Variants in STEAP2 observed in about 807,000 individuals in gnomAD.
STEAP2 encodes metalloreductase STEAP2.
STEAP2 carries 30 observed loss-of-function variants against 46.4 expected under a neutral mutation model. That is an observed-to-expected ratio of 0.65 (90% CI 0.48 to 0.88). STEAP2 has a LOEUF of 0.88. STEAP2 is among the 40% of genes least tolerant of loss of function. The probability of loss-of-function intolerance (pLI) is 0.00; values close to 1 mark genes in which losing one functional copy is unlikely to be tolerated. For synonymous variants in STEAP2, 180 were observed against 200.5 expected, an observed-to-expected ratio of 0.90 and a Z score of 0.86; for missense variants, 513 against 579.3, an observed-to-expected ratio of 0.89 and a Z score of 1.18.
In STEAP2 at chr7:90,234,451, A is replaced by C. The variant is rs573081345; in HGVS notation, c.*1827A>C. On this transcript the variant is annotated 3_prime_UTR_variant, in exon 6 of 6. Coordinates refer to ENST00000394621, the MANE Select transcript of STEAP2 (RefSeq NM_001244944.2). Reference sequence around the variant, plus strand: ...TTATTTAGTAGAGGCTACCTTTCCCACCAGTGACTCTTTTTCTACAACTGC... The same window carrying C: ...TTATTTAGTAGAGGCTACCTTTCCCCCCAGTGACTCTTTTTCTACAACTGC... 695 of 983,882 alleles carry C rather than the reference A, an allele frequency of 7.1e-4. 1 individual carries two copies. The Middle Eastern group carries it at 7.9e-3, about 11-fold the overall frequency. The allele number at this position is 983,882 out of a possible 1,614,324, so 60.9% of individuals were successfully genotyped here. A position where few individuals can be genotyped will look rare whatever the true frequency, so the allele number is the denominator to read the frequency against.
chr7:90,238,252 G>A, downstream of STEAP2: 1 of 618,290 alleles, frequency 1.6e-6, no homozygotes, highest in Non-Finnish European at 3.1e-6. Flanking sequence ...GTCTGTGGAG[G>A]TTCTGGCTTC....
In STEAP2 at chr7:90,232,318, C is replaced by A; in HGVS notation, c.1186-19C>A. 6.6e-7 allele frequency: 1 copy of A among 1,522,422 alleles called. No individual in the cohort carries two copies. Among genetic ancestry groups the A allele is most frequent in the Non-Finnish European group, 8.8e-7 (1 of 1,133,140 alleles). 94.3% of individuals were successfully genotyped at this position (1,522,422 alleles called of 1,614,324 possible). A position where few individuals can be genotyped will look rare whatever the true frequency, so the allele number is the denominator to read the frequency against. ...TGTTTCTTATTCTTTGTTTCTTTTC[C>A]TTCCTCTCCTGGCCCAAGTCTACAC... On this transcript the variant is annotated intron_variant, in intron 5 of 5. Coordinates refer to ENST00000394621, the MANE Select transcript of STEAP2 (RefSeq NM_001244944.2).
intron 2 of STEAP2, among the ~76,000 whole-genome samples, chr7:90,217,423 C>T (rs1270048235): frequency 1.3e-5 from 2 of 152,266 alleles, no homozygotes; most frequent in East Asian, 3.9e-4. Context: ...ATCAACACAT[C>T]CTTCCAGCCT....
intron 2 of STEAP2, among the ~76,000 whole-genome samples, chr7:90,217,622 T>C (rs1795075835): frequency 6.6e-6 from 1 of 151,914 alleles, no homozygotes; most frequent in Non-Finnish European, 1.5e-5. Flanking sequence ...TATTTCATTG[T>C]GTATACATAC....
At chr7:90,218,240 TC>T (rs1795110929) in intron 2 of STEAP2, among the ~76,000 whole-genome samples, 1 of 152,198 alleles carries the variant, frequency 6.6e-6, no homozygotes, top group South Asian at 2.1e-4. Context: ...GTTGATTGTT[TC>T]CTTTGCTGCA....
chr7:90,236,395 A>G lies in STEAP2; in HGVS notation c.*3771A>G. 3 of 984,792 alleles carry G rather than the reference A, an allele frequency of 3.0e-6. No homozygotes were observed. Among genetic ancestry groups the G allele is most frequent in the Non-Finnish European group, 3.6e-6 (3 of 829,328 alleles). The allele number at this position is 984,792 out of a possible 1,614,324, so 61.0% of individuals were successfully genotyped here. A position where few individuals can be genotyped will look rare whatever the true frequency, so the allele number is the denominator to read the frequency against. On this transcript the variant is annotated 3_prime_UTR_variant, in exon 6 of 6. Coordinates refer to ENST00000394621, the MANE Select transcript of STEAP2 (RefSeq NM_001244944.2). The stretch of plus-strand genomic sequence containing the variant: ...AAATTATTTTGTAAATCCATGACTT[A>G]AAACAAGATACATACATAGTATAAC...
At position 90,234,450 on chromosome 7, in the gene STEAP2, C is replaced by G. The variant is rs575414963; in HGVS notation, c.*1826C>G. The G allele has an allele frequency of 1.0e-6, 1 of 984,978 alleles. No homozygotes were observed. The highest frequency in any genetic ancestry group is 1.2e-6 in the Non-Finnish European group (1 of 829,744). 61.0% of individuals were successfully genotyped at this position (984,978 alleles called of 1,614,324 possible). On this transcript the variant is annotated 3_prime_UTR_variant, in exon 6 of 6. Coordinates refer to ENST00000394621, the MANE Select transcript of STEAP2 (RefSeq NM_001244944.2). The stretch of plus-strand genomic sequence containing the variant: ...TTTATTTAGTAGAGGCTACCTTTCC[C>G]ACCAGTGACTCTTTTTCTACAACTG...
In STEAP2 at chr7:90,237,086, C is replaced by A; in HGVS notation, c.*4462C>A. On this transcript the variant is annotated 3_prime_UTR_variant, in exon 6 of 6. Coordinates refer to ENST00000394621, the MANE Select transcript of STEAP2 (RefSeq NM_001244944.2). ...CAGCATGTGTCCTTTTTCATCCCTT[C>A]ATCTTGCTGCTGGGATTGTGGATAT... 1.1e-6 allele frequency: 1 copy of A among 886,586 alleles called. No individual in the cohort carries two copies. The highest frequency in any genetic ancestry group is 1.7e-6 in the Non-Finnish European group (1 of 585,156). The allele number at this position is 886,586 out of a possible 1,614,324, so 54.9% of individuals were successfully genotyped here.
rs1051693536 is a variant in STEAP2 at position 90,233,896 on chromosome 7, T to C, written c.*1272T>C. On this transcript the variant is annotated 3_prime_UTR_variant, in exon 6 of 6. Coordinates refer to ENST00000394621, the MANE Select transcript of STEAP2 (RefSeq NM_001244944.2). Reference sequence around the variant, plus strand: ...AAAATGTATAAAAATATTATTATAATAAACTTATTACTGCTTGTAGGGTAA... The same window carrying C: ...AAAATGTATAAAAATATTATTATAACAAACTTATTACTGCTTGTAGGGTAA... 7.1e-6 allele frequency: 7 copies of C among 984,518 alleles called. No individual in the cohort carries two copies. In the African/African-American group the frequency reaches 1.2e-4, roughly 17 times the overall value. 61.0% of individuals were successfully genotyped at this position (984,518 alleles called of 1,614,324 possible). A position where few individuals can be genotyped will look rare whatever the true frequency, so the allele number is the denominator to read the frequency against.
At chr7:90,226,075 G>C (rs1174856282) in intron 3 of STEAP2, among the ~76,000 whole-genome samples, 1 of 152,022 alleles carries the variant, frequency 6.6e-6, no homozygotes, top group Non-Finnish European at 1.5e-5. Flanking sequence ...AAAGAACATA[G>C]GCTCTTCTAC....
intron 1 of STEAP2, chr7:90,213,912 G>A (rs926124902): frequency 6.6e-6 from 1 of 152,232 alleles, no homozygotes; most frequent in African/African-American, 2.4e-5. Flanking sequence ...GCTGTGGGTG[G>A]ACAATATACA....
At position 90,213,225 on chromosome 7, in the gene STEAP2, G is replaced by A. The variant is rs1043326744; in HGVS notation, c.-147+1180G>A. The stretch of plus-strand genomic sequence containing the variant: ...TTGAGAATGACAACTTGAGCAAATT[G>A]TGCAGTAAGGAAATGAAAAGCTTTA... On this transcript the variant is annotated intron_variant, in intron 1 of 5. Transcript: ENST00000394621. Among the ~76,000 whole-genome samples, 13 of 152,286 alleles carry A rather than the reference G, an allele frequency of 8.5e-5. 1 individual carries two copies. Among genetic ancestry groups the A allele is most frequent in the Admixed American group, 2.0e-4 (3 of 15,296 alleles).
chr7:90,238,451 G>A (rs1332917413), downstream of STEAP2, among the ~76,000 whole-genome samples: 1 of 152,148 alleles, frequency 6.6e-6, no homozygotes, highest in East Asian at 1.9e-4. Flanking sequence ...GATCAAGGAG[G>A]TACAGCACAA....
chr7:90,224,472 A>G (rs1486178823), intron 2 of STEAP2, among the ~76,000 whole-genome samples: 2 of 152,212 alleles, frequency 1.3e-5, no homozygotes, highest in Non-Finnish European at 2.9e-5. Flanking sequence ...CACACTGCCT[A>G]CGGGGTAGGC....
At chr7:90,229,770 G>A (rs748883681) in intron 4 of STEAP2, 102 bp from the exon 5 acceptor site, 17 of 1,497,812 alleles carry the variant, frequency 1.1e-5, no homozygotes, top group Admixed American at 6.9e-5. Context: ...ACTTAAATAC[G>A]TCCATATATG....
At position 90,235,530 on chromosome 7, in the gene STEAP2, G is replaced by T. The variant is rs1795934790; in HGVS notation, c.*2906G>T. 1 of 984,986 alleles carries T rather than the reference G, an allele frequency of 1.0e-6. No individual in the cohort carries two copies. Among genetic ancestry groups the T allele is most frequent in the Non-Finnish European group, 1.2e-6 (1 of 829,778 alleles). 61.0% of individuals were successfully genotyped at this position (984,986 alleles called of 1,614,324 possible). On this transcript the variant is annotated 3_prime_UTR_variant, in exon 6 of 6. Transcript: ENST00000394621. ...TGGTGGTGAGAACCTTAGAGCAGTG[G>T]AGATTTGCTACCTGGTCTGTGTTTT...
intron 2 of STEAP2, among the ~76,000 whole-genome samples, chr7:90,222,248 T>G (rs1468883837): frequency 6.6e-6 from 1 of 152,132 alleles, no homozygotes; most frequent in Non-Finnish European, 1.5e-5. Flanking sequence ...TCTGGGTGCA[T>G]GGACCACACC....
downstream of STEAP2, chr7:90,238,165 C>G: frequency 1.4e-6 from 1 of 717,370 alleles, no homozygotes; most frequent in Non-Finnish European, 2.6e-6. Flanking sequence ...CACCACCACA[C>G]TGCTATATGT....
rs1454483403 is a variant in STEAP2, at chr7:90,236,865, A to G, written c.*4241A>G. On this transcript the variant is annotated 3_prime_UTR_variant, in exon 6 of 6. Transcript: ENST00000394621. ...TCTCCAAATTGCCAACTTTAAGGAA[A>G]TATTCTCTTGAAATTGTCTTTAAAG... is the stretch of plus-strand genomic sequence containing the variant. The G allele has an allele frequency of 6.2e-7, 1 of 1,612,698 alleles. No individual in the cohort carries two copies. The highest frequency in any genetic ancestry group is 1.1e-5 in the South Asian group (1 of 90,770).
Sources: allele counts gnomAD v4.1 joint callset (sites outside exome capture counted in the v4.1 genomes callset), GRCh38; gene constraint gnomAD v4.1.1; transcripts MANE v1.5; gene names NCBI Gene and HGNC (gene_info 2026-07-23, HGNC 2026-07-21).